The following DSCAML1 variants were observed in gnomAD, a reference collection of about 807,000 sequenced individuals.
DSCAML1 encodes DS cell adhesion molecule like 1.
In DSCAML1, 38 loss-of-function variants were observed where a neutral mutation model predicts 200.5. That is an observed-to-expected ratio of 0.19 (90% CI 0.15 to 0.25). DSCAML1 has a LOEUF of 0.25. DSCAML1 is among the 10% of genes least tolerant of loss of function. DSCAML1 has a pLI of 1.00. For missense variants in DSCAML1, 2,223 were observed against 2,858.8 expected, an observed-to-expected ratio of 0.78 and a Z score of 5.07; for synonymous variants, 1,215 against 1,165.0, an observed-to-expected ratio of 1.04 and a Z score of -0.87.
At chr11:117,522,402 T>A (rs2137319484) in intron 5 of DSCAML1, among the ~76,000 whole-genome samples, 1 of 152,302 alleles carries the variant, frequency 6.6e-6, no homozygotes, top group East Asian at 1.9e-4. Context: ...AGGCCTACCA[T>A]GACCGGAGTC....
intron 12 of DSCAML1, among the ~76,000 whole-genome samples, chr11:117,481,636 G>A (rs1199578154): frequency 6.8e-6 from 1 of 147,950 alleles, no homozygotes; most frequent in African/African-American, 2.5e-5. Flanking sequence ...CCAGGAGAGT[G>A]GGAAGGGCTG....
At chr11:117,559,723 C>T (rs2050626275) in intron 3 of DSCAML1, among the ~76,000 whole-genome samples, 1 of 152,224 alleles carries the variant, frequency 6.6e-6, no homozygotes, top group South Asian at 2.1e-4. Context: ...CTCTTCAGAC[C>T]ACAGGTGTCC....
rs539575375 is a variant in DSCAML1 at position 117,505,106 on chromosome 11, T to C, written c.2063-63A>G. On this transcript the variant is annotated intron_variant, in intron 9 of 32. Transcript: ENST00000651296. The surrounding 1 kb of genome is among the most constrained non-coding windows in gnomAD (Gnocchi z 6.7). ...AGTCTCTGATGGGTCTCCTAGGGCTTCGAGCACCTTCTGTTTGAGGTCAGC... is the reference window on the plus strand; with the variant it reads ...AGTCTCTGATGGGTCTCCTAGGGCTCCGAGCACCTTCTGTTTGAGGTCAGC... The C allele has an allele frequency of 6.4e-6, 10 of 1,566,896 alleles. No individual in the cohort carries two copies. Among genetic ancestry groups the C allele is most frequent in the Admixed American group, 3.5e-5 (2 of 56,938 alleles).
Position 117,505,590 on chromosome 11 carries a change from G to A in DSCAML1, c.1926C>T (p.Gly642=), listed in dbSNP as rs376866932. The stretch of plus-strand genomic sequence containing the variant: ...TGAATTCCTTGCTCTCGATGGTCAC[G>A]CCCGAGCCTGAGATGATCACCTGTC... ...KDGQVIISGS[G]VTIESKEFMS... Residue 642 remains glycine (G), a synonymous_variant, in exon 9 of 33, where the codon GGC becomes GGT. Transcript: ENST00000651296. This position sits in a 1 kb window ranked among gnomAD's most constrained non-coding sequence, Gnocchi z 6.7. 8.7e-6 allele frequency: 14 copies of A among 1,613,686 alleles called. No individual in the cohort carries two copies. Among genetic ancestry groups the A allele is most frequent in the Non-Finnish European group, 1.1e-5 (13 of 1,180,024 alleles).
intron 14 of DSCAML1, among the ~76,000 whole-genome samples, chr11:117,475,124 C>A (rs969989276): frequency 6.6e-6 from 1 of 152,142 alleles, no homozygotes; most frequent in Non-Finnish European, 1.5e-5. Flanking sequence ...CCACTGTCAT[C>A]CCTCCTTAGA....
chr11:117,637,414 C>T (rs935472823), intron 3 of DSCAML1, among the ~76,000 whole-genome samples: 2 of 150,098 alleles, frequency 1.3e-5, no homozygotes, highest in Admixed American at 6.6e-5. Context: ...GGTGCAATCT[C>T]GGCTCACTGC....
chr11:117,467,712 A>G (rs1225413915), intron 16 of DSCAML1, among the ~76,000 whole-genome samples: 2 of 152,116 alleles, frequency 1.3e-5, no homozygotes, highest in Admixed American at 1.3e-4. Context: ...GCTGCTCTGT[A>G]AGTGGACACA....
chr11:117,478,125 T>C (rs1422257128), intron 14 of DSCAML1, among the ~76,000 whole-genome samples: 1 of 152,222 alleles, frequency 6.6e-6, no homozygotes, highest in African/African-American at 2.4e-5. Context: ...GCCTTCTGCC[T>C]TGCTCTCCAG....
intron 11 of DSCAML1, among the ~76,000 whole-genome samples, chr11:117,483,894 C>T (rs1336917798): frequency 6.6e-6 from 1 of 151,906 alleles, no homozygotes; most frequent in Non-Finnish European, 1.5e-5. Context: ...AAACCCCCCA[C>T]CCCCATTCAG....
At chr11:117,688,301 C>T (rs762285668) in intron 3 of DSCAML1, among the ~76,000 whole-genome samples, 2 of 152,136 alleles carry the variant, frequency 1.3e-5, no homozygotes, top group Non-Finnish European at 2.9e-5. Context: ...GGCCTGGCAG[C>T]TCACCAATGC....
chr11:117,438,160 AG>A, intron 24 of DSCAML1, 77 bp from the exon 25 acceptor site: 4 of 1,428,918 alleles, frequency 2.8e-6, no homozygotes, highest in Non-Finnish European at 3.8e-6. Context: ...GTACCCCAAC[AG>A]GGGGCTGGGC....
chr11:117,715,298 T>C (rs2053931662), intron 3 of DSCAML1, among the ~76,000 whole-genome samples: 1 of 151,976 alleles, frequency 6.6e-6, no homozygotes, highest in East Asian at 1.9e-4. Context: ...AGGTTTCACC[T>C]CTCCTTCAGC....
At chr11:117,648,341 A>C (rs185629845) in intron 3 of DSCAML1, among the ~76,000 whole-genome samples, 1 of 152,304 alleles carries the variant, frequency 6.6e-6, no homozygotes, top group African/African-American at 2.4e-5. Context: ...GAGTTGTAAC[A>C]ATTTCCTGAG....
chr11:117,767,934 T>A (rs897353254), intron 3 of DSCAML1, among the ~76,000 whole-genome samples: 4 of 152,148 alleles, frequency 2.6e-5, no homozygotes, highest in African/African-American at 9.7e-5. Context: ...CTACATACAC[T>A]TATGGACTCA....
intron 4 of DSCAML1, among the ~76,000 whole-genome samples, chr11:117,525,975 C>T (rs1414199646): frequency 6.6e-6 from 1 of 152,236 alleles, no homozygotes; most frequent in African/African-American, 2.4e-5. Flanking sequence ...ACCACAGTCA[C>T]CTGTGACAAT....
rs866771613 is a variant in DSCAML1 at position 117,741,138 on chromosome 11, C to T, written c.511+35653G>A. On this transcript the variant is annotated intron_variant, in intron 3 of 32. Coordinates refer to ENST00000651296, the MANE Select transcript of DSCAML1 (RefSeq NM_020693.4). ...GATGGTCTCCACCAGAGATTTGTGC[C>T]TCTCCTTCCATAGTATGGAGTTGTT... Among the ~76,000 whole-genome samples, 12 of 152,186 alleles carry T rather than the reference C, an allele frequency of 7.9e-5. No homozygotes were observed. In the South Asian group the frequency reaches 1.7e-3, roughly 21 times the overall value.
intron 3 of DSCAML1, among the ~76,000 whole-genome samples, chr11:117,679,117 A>G (rs2053268280): frequency 6.6e-6 from 1 of 152,134 alleles, no homozygotes; most frequent in Non-Finnish European, 1.5e-5. Context: ...GCTCACTGCC[A>G]CTCCAGAGGC....
chr11:117,764,020 GTGTGT>G (rs2054851310), intron 3 of DSCAML1, among the ~76,000 whole-genome samples: 1 of 152,104 alleles, frequency 6.6e-6, no homozygotes, highest in Non-Finnish European at 1.5e-5. Context: ...TCACACTCTT[GTGTGT>G]TGTGTTGTTT....
chr11:117,511,197 T>G (rs1241829154), intron 8 of DSCAML1, among the ~76,000 whole-genome samples: 1 of 152,132 alleles, frequency 6.6e-6, no homozygotes, highest in East Asian at 1.9e-4. Flanking sequence ...CATGGGCATT[T>G]GGGAGAGAGG....
Sources: allele counts gnomAD v4.1 joint callset (sites outside exome capture counted in the v4.1 genomes callset), GRCh38; gene constraint gnomAD v4.1.1; non-coding constraint Gnocchi (gnomAD v3.1); transcripts MANE v1.5; gene names NCBI Gene and HGNC (gene_info 2026-07-23, HGNC 2026-07-21).